Variants in CLNK observed in about 807,000 individuals in gnomAD.
The protein encoded by CLNK is cytokine dependent hematopoietic cell linker.
Under a neutral mutation model 68.6 loss-of-function variants are expected in CLNK, and 74 were observed. That is an observed-to-expected ratio of 1.08 (90% confidence interval 0.89 to 1.31). CLNK has a LOEUF of 1.31. Ranked by LOEUF, CLNK falls within the 50% of genes most tolerant of loss-of-function variation. The pLI is 0.00. For synonymous variants in CLNK, 198 were observed against 172.2 expected, an observed-to-expected ratio of 1.15 and a Z score of -1.17; for missense variants, 553 against 515.3, an observed-to-expected ratio of 1.07 and a Z score of -0.71.
At position 10,660,528 on chromosome 4, in the gene CLNK, T is replaced by C. The variant is rs889485037; in HGVS notation, c.11+7331A>G. Among the ~76,000 whole-genome samples, 4 of 152,254 alleles carry C rather than the reference T, an allele frequency of 2.6e-5. No homozygotes were observed. In the East Asian group the frequency reaches 7.7e-4, roughly 29 times the overall value. On this transcript the variant is annotated intron_variant, in intron 2 of 18. Transcript: ENST00000226951. ...TTTACAAAGAATTACATTACTTACA[T>C]GATAACAAACTCATGCATTAAGTAC...
intron 3 of CLNK, among the ~76,000 whole-genome samples, chr4:10,592,383 T>A (rs1721212537): frequency 6.6e-6 from 1 of 152,148 alleles, no homozygotes; most frequent in African/African-American, 2.4e-5. Context: ...GCCAGACATG[T>A]TTTAGCTCAG....
At chr4:10,590,938 C>A (rs547814787) in intron 3 of CLNK, among the ~76,000 whole-genome samples, 76 of 152,274 alleles carry the variant, frequency 5.0e-4, no homozygotes, top group African/African-American at 1.8e-3. Flanking sequence ...CATTAAACAC[C>A]ATAAACGAAC....
intron 3 of CLNK, among the ~76,000 whole-genome samples, chr4:10,585,932 C>A (rs1358453290): frequency 6.6e-6 from 1 of 152,140 alleles, no homozygotes; most frequent in Non-Finnish European, 1.5e-5. Flanking sequence ...CTGGTATTTC[C>A]ACAGATGGGG....
chr4:10,604,750 A>G (rs933944958), intron 2 of CLNK, among the ~76,000 whole-genome samples: 2 of 152,192 alleles, frequency 1.3e-5, no homozygotes, highest in African/African-American at 4.8e-5. Context: ...GAAGTCCACT[A>G]ATGAATTTCC....
At chr4:10,523,257 G>C (rs1718156382) in intron 14 of CLNK, among the ~76,000 whole-genome samples, 1 of 152,206 alleles carries the variant, frequency 6.6e-6, no homozygotes, top group African/African-American at 2.4e-5. Context: ...TTTCAGAATG[G>C]GACTAGAAAT....
At chr4:10,665,353 T>C (rs1724352676) in intron 2 of CLNK, among the ~76,000 whole-genome samples, 2 of 152,142 alleles carry the variant, frequency 1.3e-5, no homozygotes, top group Admixed American at 1.3e-4. Context: ...AAGAGGCCCT[T>C]GGCATAGGGT....
chr4:10,534,776 G>T (rs184463302), intron 11 of CLNK, among the ~76,000 whole-genome samples: 1 of 152,098 alleles, frequency 6.6e-6, no homozygotes, highest in Admixed American at 6.6e-5. Context: ...CCATGCAGTT[G>T]TAAGAAATAA....
At chr4:10,690,308 A>G in the CLNK span, among the ~76,000 whole-genome samples, 1 of 152,188 alleles carries the variant, frequency 6.6e-6, no homozygotes, top group Non-Finnish European at 1.5e-5. Flanking sequence ...TCCAGGGCTC[A>G]GTATAAGAGC....
intron 3 of CLNK, among the ~76,000 whole-genome samples, chr4:10,594,574 C>T (rs1464745412): frequency 6.6e-6 from 1 of 152,044 alleles, no homozygotes; most frequent in Non-Finnish European, 1.5e-5. Flanking sequence ...GGTCCCAGGC[C>T]CATGCTCTAG....
chr4:10,585,275 T>G (rs1377527436), intron 3 of CLNK, among the ~76,000 whole-genome samples: 1 of 152,180 alleles, frequency 6.6e-6, no homozygotes, highest in African/African-American at 2.4e-5. Flanking sequence ...ATAGGTAGTG[T>G]TAAATCAAGC....
At chr4:10,668,023 G>A (rs1458997274) in intron 1 of CLNK, 112 bp from the exon 2 acceptor site, 1 of 506,940 alleles carries the variant, frequency 2.0e-6, no homozygotes, top group African/African-American at 2.0e-5. Flanking sequence ...TGGTTTAAAG[G>A]AAATGACAGA....
At chr4:10,621,309 T>C (rs866681215) in intron 2 of CLNK, among the ~76,000 whole-genome samples, 7 of 152,338 alleles carry the variant, frequency 4.6e-5, no homozygotes, top group African/African-American at 7.2e-5. Flanking sequence ...GCAGGGACTG[T>C]ATTTTATTTG....
the CLNK span, among the ~76,000 whole-genome samples, chr4:10,720,476 G>A: frequency 6.6e-5 from 10 of 151,960 alleles, no homozygotes; most frequent in South Asian, 2.1e-4. Context: ...ACAAATGAGC[G>A]CATGAAATGT....
chr4:10,618,875 A>G (rs1722326523), intron 2 of CLNK, among the ~76,000 whole-genome samples: 2 of 152,232 alleles, frequency 1.3e-5, no homozygotes, highest in Non-Finnish European at 2.9e-5. Context: ...CGCTGGATCC[A>G]ATCACGTCCC....
intron 2 of CLNK, among the ~76,000 whole-genome samples, chr4:10,637,149 A>T (rs995658684): frequency 6.6e-6 from 1 of 152,210 alleles, no homozygotes; most frequent in Non-Finnish European, 1.5e-5. Flanking sequence ...CATCAAAGAC[A>T]TTTATTGCTT....
At chr4:10,599,153 C>T (rs988264272) in intron 2 of CLNK, among the ~76,000 whole-genome samples, 1 of 152,228 alleles carries the variant, frequency 6.6e-6, no homozygotes, top group Non-Finnish European at 1.5e-5. Context: ...GAACTTCCAT[C>T]TCCACTAGAG....
At chr4:10,700,145 C>T in the CLNK span, among the ~76,000 whole-genome samples, 2 of 151,906 alleles carry the variant, frequency 1.3e-5, no homozygotes, top group Non-Finnish European at 2.9e-5. Context: ...GAATGGCTAG[C>T]TATGGAATAA....
In CLNK at chr4:10,528,153, A is replaced by G. The variant is rs1482891622; in HGVS notation, c.631-59T>C. The stretch of plus-strand genomic sequence containing the variant: ...CTCTTGATGACAGAGAATTTAATAT[A>G]ACACCATGTGTGTTTTTAGAGCATT... On this transcript the variant is annotated intron_variant, in intron 12 of 18. Transcript: ENST00000226951. The G allele has an allele frequency of 3.6e-6, 3 of 832,302 alleles. No individual in the cohort carries two copies. In the East Asian group the frequency reaches 9.9e-5, roughly 28 times the overall value. The allele number at this position is 832,302 out of a possible 1,614,324, so 51.6% of individuals were successfully genotyped here. A position where few individuals can be genotyped will look rare whatever the true frequency, so the allele number is the denominator to read the frequency against.
chr4:10,672,166 G>A (rs769848524), intron 1 of CLNK, among the ~76,000 whole-genome samples: 15 of 152,196 alleles, frequency 9.9e-5, no homozygotes, highest in East Asian at 3.9e-4. Context: ...CTCAGACTAC[G>A]AGGAAGTGGG....
Sources: allele counts gnomAD v4.1 joint callset (sites outside exome capture counted in the v4.1 genomes callset), GRCh38; gene constraint gnomAD v4.1.1; transcripts MANE v1.5; gene names NCBI Gene and HGNC (gene_info 2026-07-23, HGNC 2026-07-21).